EXOC3: variants seen among roughly 807,000 people sequenced by gnomAD.
EXOC3 encodes the protein SEC6-like 1.
In EXOC3, 21 loss-of-function variants were observed where a neutral mutation model predicts 73.7. The ratio of observed to expected loss-of-function variants is 0.29; its 90% CI spans 0.20 to 0.41. The LOEUF is 0.41. Among genes scored for constraint, EXOC3 ranks in the 10% least tolerant of loss-of-function variants. EXOC3 has a pLI of 1.00. For synonymous variants in EXOC3, 410 were observed against 389.1 expected (o/e 1.05, Z -0.63); for missense variants, 842 against 985.1 (o/e 0.85, Z 1.95).
chr5:456,342 A>G (rs2671890), intron 4 of EXOC3, among the ~76,000 whole-genome samples: 132,456 of 152,228 alleles, frequency 0.87, 58,043 homozygotes, highest in African/African-American at 0.91. Flanking sequence ...TGTTTTTCCC[A>G]AATACTTTCA....
At chr5:466,128 T>A in intron 12 of EXOC3, 1 of 342,504 alleles carries the variant, frequency 2.9e-6, no homozygotes. Flanking sequence ...CTGCTGTGTG[T>A]GGTGGGGAAG....
intron 12 of EXOC3, 24 bp downstream of exon 12, chr5:465,869 C>A: frequency 6.3e-7 from 1 of 1,597,006 alleles, no homozygotes; most frequent in Non-Finnish European, 8.5e-7. Context: ...GTCTTAGAAT[C>A]CTGCCTTAGA....
At chr5:456,832 G>C in intron 4 of EXOC3, 57 bp from the exon 5 acceptor site, 1 of 1,306,788 alleles carries the variant, frequency 7.7e-7, no homozygotes, top group Non-Finnish European at 1.1e-6. Flanking sequence ...GGCACACTTG[G>C]GCATGCTCTT....
rs1737999513 is a variant in EXOC3, at chr5:461,984, T to C, written c.1416T>C (p.Tyr472=). The change falls in exon 8 of 13, where the codon TAT becomes TAC. Residue 472 remains tyrosine, a synonymous_variant. Transcript: ENST00000512944. ...GATATAAAGATGAAGCGCAGCTGTA[T>C]AAAGAAGAGCACCTGAGGAATCGGC... is the stretch of plus-strand genomic sequence containing the variant. ...LSRYKDEAQL[Y]KEEHLRNRQH... 1.3e-6 allele frequency: 2 copies of C among 1,599,206 alleles called. No homozygotes were observed. The highest frequency in any genetic ancestry group is 1.7e-5 in the Admixed American group (1 of 57,764).
chr5:452,293 G>C (rs555607369), intron 3 of EXOC3, among the ~76,000 whole-genome samples: 1 of 151,892 alleles, frequency 6.6e-6, no homozygotes, highest in Admixed American at 6.6e-5. Context: ...ATTCTTTCTT[G>C]CGCCTGTGCA....
chr5:460,835 C>T (rs1020048057), intron 7 of EXOC3, among the ~76,000 whole-genome samples: 2 of 152,214 alleles, frequency 1.3e-5, no homozygotes, highest in African/African-American at 4.8e-5. Context: ...CTTGATCACC[C>T]TCAGCTTTTT....
chr5:461,733 C>A, intron 7 of EXOC3: 1 of 533,790 alleles, frequency 1.9e-6, no homozygotes, highest in Non-Finnish European at 3.3e-6. Flanking sequence ...TCCTAATGAG[C>A]CATATTTTAA....
At chr5:465,511 T>A (rs994209835) in intron 11 of EXOC3, among the ~76,000 whole-genome samples, 1 of 152,230 alleles carries the variant, frequency 6.6e-6, no homozygotes, top group Non-Finnish European at 1.5e-5. Flanking sequence ...CTTCCCAGTC[T>A]GTCCTGCGCT....
At chr5:455,850 C>T (rs183688757) in intron 4 of EXOC3, among the ~76,000 whole-genome samples, 13 of 152,194 alleles carry the variant, frequency 8.5e-5, no homozygotes, top group South Asian at 2.1e-4. Flanking sequence ...ATGATCCGCC[C>T]GTCTCGGCTT....
Position 465,195 on chromosome 5 carries a change from G to C in EXOC3, c.1861G>C (p.Glu621Gln), listed in dbSNP as rs1738105043. The stretch of plus-strand genomic sequence containing the variant: ...GAAGCGCATTTCCTTCCGGAGCCCG[G>C]AGGAGCGCAAGGAGGGTGCCGAGAA... ...MQKRISFRSP[E>Q]ERKEGAEKMV... is the part of the protein sequence containing the mutation. The change falls in exon 11 of 13, where the codon GAG becomes CAG. Residue 621 changes from glutamate to glutamine, a missense_variant. Transcript: ENST00000512944. The C allele has an allele frequency of 1.3e-6, 2 of 1,595,594 alleles. No homozygotes were observed. The highest frequency in any genetic ancestry group is 2.3e-5 in the South Asian group (2 of 87,944).
At chr5:457,705 G>A (rs749873838) in intron 5 of EXOC3, 195 bp from the exon 6 acceptor site, 13 of 561,340 alleles carry the variant, frequency 2.3e-5, no homozygotes, top group Admixed American at 1.6e-4. Flanking sequence ...AAACCCCTGC[G>A]GGCTGCTGTG....
chr5:453,631 T>C lies in EXOC3; in HGVS notation c.626T>C (p.Leu209Pro). ...LVTVRRDPTL[L>P]VSVVRIIERE... ...ACTGTCCGCCGTGACCCCACCTTGC[T>C]GGTCTCAGTTGTCAGGATCATTGAA... The change falls in exon 4 of 13, where the codon CTG becomes CCG. Residue 209 changes from leucine (L) to proline (P), a missense_variant. By Grantham distance (98) the Leu-to-Pro change is moderately conservative. Transcript: ENST00000512944. 1.2e-6 allele frequency: 2 copies of C among 1,613,992 alleles called. No individual in the cohort carries two copies. The highest frequency in any genetic ancestry group is 1.7e-6 in the Non-Finnish European group (2 of 1,179,878).
intron 3 of EXOC3, among the ~76,000 whole-genome samples, chr5:453,131 C>T (rs1040298742): frequency 1.3e-5 from 2 of 152,180 alleles, no homozygotes; most frequent in Non-Finnish European, 2.9e-5. Flanking sequence ...GGTGGGGCCT[C>T]GGTAGCCACT....
chr5:466,427 C>T lies in EXOC3; in HGVS notation c.2067-300C>T, dbSNP rs555941124. Reference sequence around the variant, plus strand: ...CCGCGTCACCTCCGTCCCATCATCTCGCTGGTTAAACGTGGAAAAACGGGG... The same window carrying T: ...CCGCGTCACCTCCGTCCCATCATCTTGCTGGTTAAACGTGGAAAAACGGGG... On this transcript the variant is annotated intron_variant, in intron 12 of 12. Coordinates refer to ENST00000512944, the MANE Select transcript of EXOC3 (RefSeq NM_007277.5). 2.3e-3 allele frequency: 866 copies of T among 373,488 alleles called. 8 individuals are homozygous for T. The highest frequency in any genetic ancestry group is 4.3e-3 in the Middle Eastern group (6 of 1,410). 23.1% of individuals were successfully genotyped at this position (373,488 alleles called of 1,614,324 possible).
At chr5:459,626 C>T in intron 7 of EXOC3, 167 bp downstream of exon 7, 1 of 502,378 alleles carries the variant, frequency 2.0e-6, no homozygotes, top group Non-Finnish European at 3.6e-6. Flanking sequence ...AGCGGAGCTT[C>T]TGGATCATCT....
At chr5:457,061 T>A (rs59568259) in intron 5 of EXOC3, 55 bp downstream of exon 5, 105,337 of 1,273,266 alleles carry the variant, frequency 0.083, 4,812 homozygotes, top group Admixed American at 0.14. Context: ...TATGAGTAAC[T>A]AGGGCTTGGC....
At chr5:457,753 C>T in intron 5 of EXOC3, 147 bp from the exon 6 acceptor site, 2 of 847,694 alleles carry the variant, frequency 2.4e-6, no homozygotes, top group South Asian at 1.8e-5. Context: ...TGGGTCCCTG[C>T]TCTGGAGTCC....
chr5:457,695 A>T, intron 5 of EXOC3: 1 of 543,208 alleles, frequency 1.8e-6, no homozygotes, highest in Non-Finnish European at 3.3e-6. Flanking sequence ...GGTTCCAGTT[A>T]AACCCCTGCG....
intron 1 of EXOC3, among the ~76,000 whole-genome samples, chr5:443,746 AGCACAGGTGTCCCTCCCAG>A (rs1737415418): frequency 7.8e-6 from 1 of 128,684 alleles, no homozygotes; most frequent in African/African-American, 3.0e-5. Flanking sequence ...TGTCCCCTCA[AGCACAGGTGTCCCTCCCAG>A]GCACAAGTGT....
Sources: allele counts gnomAD v4.1 joint callset (sites outside exome capture counted in the v4.1 genomes callset), GRCh38; gene constraint gnomAD v4.1.1; transcripts MANE v1.5; gene names NCBI Gene and HGNC (gene_info 2026-07-23, HGNC 2026-07-21).